The following CACNA2D4 variants were observed in gnomAD, a reference collection of about 807,000 sequenced individuals.
CACNA2D4 encodes voltage-dependent calcium channel subunit alpha-2/delta-4.
Under a neutral mutation model 163.8 loss-of-function variants are expected in CACNA2D4, and 157 were observed. That is an observed-to-expected ratio of 0.96 (90% CI 0.84 to 1.09). CACNA2D4 has a LOEUF of 1.09. Ranked by LOEUF, CACNA2D4 falls within the 50% of genes least tolerant of loss-of-function variation. CACNA2D4 has a pLI of 0.00. For missense variants in CACNA2D4, 1,410 were observed against 1,479.9 expected, an observed-to-expected ratio of 0.95 and a Z score of 0.78; for synonymous variants, 598 against 586.9, an observed-to-expected ratio of 1.02 and a Z score of -0.27.
At position 1,860,216 on chromosome 12, in the gene CACNA2D4, T is replaced by C. The variant is rs1484591723; in HGVS notation, c.1879-10A>G. ...GGAAAAGAACTCGCTTCTGAAAGAG[T>C]AGACAAGGAAAGAGTGCTCACGCAG... On this transcript the variant is annotated splice_polypyrimidine_tract_variant and intron_variant, in intron 18 of 37. Transcript: ENST00000382722. 1 of 1,611,754 alleles carries C rather than the reference T, an allele frequency of 6.2e-7. No homozygotes were observed. The highest frequency in any genetic ancestry group is 1.1e-5 in the South Asian group (1 of 90,918).
intron 2 of CACNA2D4, among the ~76,000 whole-genome samples, chr12:1,913,550 T>C (rs1281113231): frequency 6.6e-6 from 1 of 152,192 alleles, no homozygotes; most frequent in African/African-American, 2.4e-5. Flanking sequence ...CTGGCATCAG[T>C]TCACCTTTCC....
chr12:1,824,898 C>A (rs866476335), intron 26 of CACNA2D4, among the ~76,000 whole-genome samples: 3 of 152,292 alleles, frequency 2.0e-5, no homozygotes, highest in African/African-American at 7.2e-5. Flanking sequence ...CTGCAAGCTG[C>A]GCTATTTTTC....
At position 1,884,825 on chromosome 12, in the gene CACNA2D4, G is replaced by T; in HGVS notation, c.1215C>A (p.Asp405Glu). ...CCGGCTCGTAGTCCTCCACGGCGCCGTCGCTGATGAGCATGATGGCCTGGT... is the reference window on the plus strand; with the variant it reads ...CCGGCTCGTAGTCCTCCACGGCGCCTTCGCTGATGAGCATGATGGCCTGGT... The part of the protein sequence containing the change: ...LCNQAIMLIS[D>E]GAVEDYEPVF... The change falls in exon 11 of 38, where the codon GAC becomes GAA. Residue 405 changes from aspartate to glutamate, a missense_variant. By Grantham distance (45) the Asp-to-Glu change is conservative. Transcript: ENST00000382722. 1.9e-6 allele frequency: 3 copies of T among 1,613,798 alleles called. No homozygotes were observed. The highest frequency in any genetic ancestry group is 2.5e-6 in the Non-Finnish European group (3 of 1,179,824).
At chr12:1,914,391 A>G (rs752356225) in intron 2 of CACNA2D4, among the ~76,000 whole-genome samples, 1 of 152,294 alleles carries the variant, frequency 6.6e-6, no homozygotes. Flanking sequence ...GATGCTGGAC[A>G]TGGCTCGGGG....
Position 1,801,651 on chromosome 12 carries a change from G to A in CACNA2D4, c.2722-7C>T. 1 of 1,572,968 alleles carries A rather than the reference G, an allele frequency of 6.4e-7. No homozygotes were observed. Among genetic ancestry groups the A allele is most frequent in the East Asian group, 2.3e-5 (1 of 43,094 alleles). ...CCCCCAGAAATCTTCCCGTCTGTGA[G>A]AGAGGGACAGCAGAGAGAGAGGGAG... On this transcript the variant is annotated splice_polypyrimidine_tract_variant and splice_region_variant and intron_variant, in intron 29 of 37. Coordinates refer to ENST00000382722, the MANE Select transcript of CACNA2D4 (RefSeq NM_172364.5).
Position 1,834,273 on chromosome 12 carries a change from G to A in CACNA2D4, c.2551+6466C>T, listed in dbSNP as rs148636689. On this transcript the variant is annotated intron_variant, in intron 26 of 37. Coordinates refer to ENST00000382722, the MANE Select transcript of CACNA2D4 (RefSeq NM_172364.5). This position sits in a 1 kb window ranked among gnomAD's most constrained non-coding sequence, Gnocchi z 7.6. ...TTTTCTCTTCTGCATGTAGGGGGAC[G>A]CTTGGACCAGCTTGCCTGCACCCTG... 1.2e-5 allele frequency: 19 copies of A among 1,570,016 alleles called. No individual in the cohort carries two copies. Among genetic ancestry groups the A allele is most frequent in the Admixed American group, 7.1e-5 (4 of 56,190 alleles).
intron 24 of CACNA2D4, among the ~76,000 whole-genome samples, chr12:1,846,390 C>G (rs906292878): frequency 2.7e-5 from 4 of 150,854 alleles, no homozygotes; most frequent in African/African-American, 9.9e-5. Context: ...TCTGTCAATC[C>G]CGATCCGTAA....
intron 4 of CACNA2D4, 144 bp from the exon 5 acceptor site, chr12:1,908,181 G>T: frequency 1.2e-6 from 1 of 815,964 alleles, no homozygotes; most frequent in Non-Finnish European, 1.9e-6. Flanking sequence ...GCGGCGGCGC[G>T]CTGGGCACTG....
At chr12:1,888,975 C>T (rs2215094) in intron 6 of CACNA2D4, among the ~76,000 whole-genome samples, 5,606 of 152,122 alleles carry the variant, frequency 0.037, 333 homozygotes, top group African/African-American at 0.12. Flanking sequence ...AAACAAATAC[C>T]ACGAAGGCAG....
chr12:1,826,313 C>T (rs977996235), intron 26 of CACNA2D4, among the ~76,000 whole-genome samples: 12 of 151,656 alleles, frequency 7.9e-5, no homozygotes, highest in East Asian at 3.9e-4. Flanking sequence ...GCAGGTATTG[C>T]GGTCACCATT....
intron 18 of CACNA2D4, among the ~76,000 whole-genome samples, chr12:1,872,553 G>C (rs1291811569): frequency 6.6e-6 from 1 of 152,246 alleles, no homozygotes; most frequent in Non-Finnish European, 1.5e-5. Flanking sequence ...ACTGAGCTGA[G>C]AGGGAGGGCT....
At chr12:1,865,607 G>A (rs1317397719) in intron 18 of CACNA2D4, among the ~76,000 whole-genome samples, 1 of 152,228 alleles carries the variant, frequency 6.6e-6, no homozygotes, top group African/African-American at 2.4e-5. Context: ...AGGCTGTCCC[G>A]TTGCCCTTTT....
chr12:1,882,015 C>T (rs922203258), intron 13 of CACNA2D4, among the ~76,000 whole-genome samples: 3 of 152,232 alleles, frequency 2.0e-5, no homozygotes, highest in Admixed American at 1.3e-4. Flanking sequence ...ATTCTGGGTT[C>T]TGGCAAGAGT....
chr12:1,846,460 C>G, intron 24 of CACNA2D4, 134 bp downstream of exon 24: 1 of 687,954 alleles, frequency 1.5e-6, no homozygotes. Flanking sequence ...ATCCTTCTGC[C>G]CTGCTGGGCT....
At chr12:1,882,675 C>T (rs1015158108) in intron 13 of CACNA2D4, among the ~76,000 whole-genome samples, 192 bp downstream of exon 13, 1 of 152,132 alleles carries the variant, frequency 6.6e-6, no homozygotes, top group Non-Finnish European at 1.5e-5. Context: ...GCAGTGGTCC[C>T]ATTAGTGGGC....
At chr12:1,912,365 G>A (rs1421106708) in intron 3 of CACNA2D4, among the ~76,000 whole-genome samples, 1 of 152,218 alleles carries the variant, frequency 6.6e-6, no homozygotes, top group Non-Finnish European at 1.5e-5. Context: ...AGGCCTCAGT[G>A]CAGACACTTC....
At chr12:1,881,811 T>C (rs533854817) in intron 13 of CACNA2D4, among the ~76,000 whole-genome samples, 34 of 152,382 alleles carry the variant, frequency 2.2e-4, no homozygotes, top group African/African-American at 7.5e-4. Flanking sequence ...GCGGAGCCCC[T>C]TTAAAGTAGA....
At position 1,810,532 on chromosome 12, in the gene CACNA2D4, G is replaced by A; in HGVS notation, c.2658+11C>T. 3 of 1,552,886 alleles carry A rather than the reference G, an allele frequency of 1.9e-6. No homozygotes were observed. The highest frequency in any genetic ancestry group is 2.6e-6 in the Non-Finnish European group (3 of 1,147,508). On this transcript the variant is annotated intron_variant, in intron 28 of 37. Transcript: ENST00000382722. ...TCCCTCCTCCACCTTCCTCACACGGGCAGAACTTACACTGTCCTCGCAGCT... is the reference window on the plus strand; with the variant it reads ...TCCCTCCTCCACCTTCCTCACACGGACAGAACTTACACTGTCCTCGCAGCT...
At chr12:1,823,611 A>C (rs1864199763) in intron 26 of CACNA2D4, among the ~76,000 whole-genome samples, 1 of 140,306 alleles carries the variant, frequency 7.1e-6, no homozygotes, top group African/African-American at 2.7e-5. Flanking sequence ...TACTCCCCTC[A>C]CCTCAGCACA....
Sources: gnomAD v4.1 joint callset for allele counts (sites outside exome capture counted in the v4.1 genomes callset) on GRCh38, gnomAD v4.1.1 for gene constraint, Gnocchi (gnomAD v3.1) non-coding constraint, MANE v1.5 for transcripts, NCBI Gene and HGNC (gene_info 2026-07-23, HGNC 2026-07-21) for gene names.